DPYD: variants seen among roughly 807,000 people sequenced by gnomAD.
DPYD encodes dihydropyrimidine dehydrogenase [NADP(+)].
A neutral mutation model predicts 116.2 loss-of-function variants in DPYD; 109 were observed. That is an observed-to-expected ratio of 0.94 (90% confidence interval 0.80 to 1.10). The LOEUF (loss-of-function observed/expected upper bound fraction) is 1.10, where lower values mean the gene tolerates loss of function less well. Among genes scored for constraint, DPYD ranks in the 50% least tolerant of loss-of-function variants. The probability of loss-of-function intolerance (pLI) is 0.00; values close to 1 mark genes in which losing one functional copy is unlikely to be tolerated. For synonymous variants in DPYD, 440 were observed against 432.0 expected (o/e 1.02, Z -0.23); for missense variants, 1,302 against 1,254.5 (o/e 1.04, Z -0.57).
intron 13 of DPYD, among the ~76,000 whole-genome samples, chr1:97,494,753 C>A (rs1213562646): frequency 1.1e-4 from 15 of 136,960 alleles, no homozygotes; most frequent in African/African-American, 4.7e-4. Context: ...AAAAAGAAAA[C>A]ACACACACAC....
At chr1:97,756,576 CT>C (rs1373419491) in intron 3 of DPYD, among the ~76,000 whole-genome samples, 2 of 151,936 alleles carry the variant, frequency 1.3e-5, no homozygotes, top group African/African-American at 2.4e-5. Flanking sequence ...TATGTGCCAC[CT>C]TTTCATTAAG....
At chr1:97,370,296 C>T (rs372763374) in intron 16 of DPYD, among the ~76,000 whole-genome samples, 2 of 152,170 alleles carry the variant, frequency 1.3e-5, no homozygotes, top group South Asian at 2.1e-4. Flanking sequence ...AGCCATCATT[C>T]TCAGCAAACT....
chr1:97,542,208 T>C (rs1650499552), intron 12 of DPYD, among the ~76,000 whole-genome samples: 2 of 152,182 alleles, frequency 1.3e-5, no homozygotes, highest in South Asian at 4.1e-4. Context: ...CTATATAATC[T>C]CTATATTCAG....
At chr1:97,427,299 CT>C (rs1235961900) in intron 14 of DPYD, among the ~76,000 whole-genome samples, 2 of 151,514 alleles carry the variant, frequency 1.3e-5, no homozygotes, top group African/African-American at 2.4e-5. Flanking sequence ...ATGACCTTCA[CT>C]TTTTTTTTTC....
chr1:97,640,984 C>T (rs1657858518), intron 8 of DPYD, among the ~76,000 whole-genome samples: 1 of 152,168 alleles, frequency 6.6e-6, no homozygotes, highest in Admixed American at 6.5e-5. Flanking sequence ...TAAAATTCTT[C>T]TAGCATAAAC....
chr1:97,266,529 CT>C (rs1664236668), intron 18 of DPYD, among the ~76,000 whole-genome samples: 2 of 151,992 alleles, frequency 1.3e-5, no homozygotes, highest in South Asian at 4.2e-4. Flanking sequence ...ATATTCATTT[CT>C]TTTTTTATTA....
chr1:97,173,361 T>C (rs578136175), intron 20 of DPYD, among the ~76,000 whole-genome samples: 3 of 149,032 alleles, frequency 2.0e-5, no homozygotes, highest in Non-Finnish European at 3.0e-5. Context: ...TATATGTACA[T>C]ATATACATAT....
chr1:97,564,631 C>G (rs1652389111), intron 11 of DPYD, among the ~76,000 whole-genome samples: 1 of 152,144 alleles, frequency 6.6e-6, no homozygotes, highest in Admixed American at 6.6e-5. Context: ...ACTCAGATCT[C>G]TTCTATCTGT....
At chr1:97,157,240 C>A (rs1284501386) in intron 20 of DPYD, among the ~76,000 whole-genome samples, 2 of 151,822 alleles carry the variant, frequency 1.3e-5, no homozygotes, top group Non-Finnish European at 2.9e-5. Context: ...ACATTGTGCA[C>A]ATGTACCCTA....
At position 97,298,625 on chromosome 1, in the gene DPYD, G is replaced by A. The variant is rs990959438; in HGVS notation, c.2299+6634C>T. Among the ~76,000 whole-genome samples the A allele has an allele frequency of 2.0e-5, 3 of 152,198 alleles. No individual in the cohort carries two copies. The East Asian group carries it at 5.8e-4, about 29-fold the overall frequency. ...AACTACGGAGAGGCAATGACATTTT[G>A]ATAGTCCTCTAGATTTAAGGAATAA... is the stretch of plus-strand genomic sequence containing the variant. On this transcript the variant is annotated intron_variant, in intron 18 of 22. Transcript: ENST00000370192.
chr1:97,459,594 A>G (rs1344775043), intron 13 of DPYD, among the ~76,000 whole-genome samples: 1 of 152,190 alleles, frequency 6.6e-6, no homozygotes, highest in African/African-American at 2.4e-5. Context: ...GTACCAATGA[A>G]AGCCAGAAGA....
intron 1 of DPYD, among the ~76,000 whole-genome samples, chr1:97,906,512 C>A (rs777697079): frequency 6.6e-6 from 1 of 151,990 alleles, no homozygotes; most frequent in Non-Finnish European, 1.5e-5. Context: ...CAAGATACAG[C>A]AAGTACTTAA....
intron 20 of DPYD, among the ~76,000 whole-genome samples, chr1:97,164,962 C>T (rs1447352627): frequency 2.0e-5 from 3 of 151,866 alleles, no homozygotes; most frequent in African/African-American, 7.3e-5. Context: ...CCTGCCTAGG[C>T]CTCCCAAAGT....
chr1:97,257,452 T>TATATATAGAG (rs375490078), intron 18 of DPYD, among the ~76,000 whole-genome samples: 1,317 of 126,406 alleles, frequency 0.01, 34 homozygotes, highest in African/African-American at 0.04. Flanking sequence ...TATATATATA[T>TATATATAGAG]AGAGAGAGAG....
intron 8 of DPYD, among the ~76,000 whole-genome samples, chr1:97,659,006 A>G (rs2100862113): frequency 6.6e-6 from 1 of 152,238 alleles, no homozygotes; most frequent in African/African-American, 2.4e-5. Flanking sequence ...CTCAGTAAAG[A>G]CACCACTTCT....
At chr1:97,153,623 T>C (rs1655193092) in intron 20 of DPYD, among the ~76,000 whole-genome samples, 1 of 151,424 alleles carries the variant, frequency 6.6e-6, no homozygotes, top group South Asian at 2.1e-4. Context: ...CAAAAGCAAA[T>C]GCAACAAAAA....
At chr1:97,167,035 T>A (rs1054742067) in intron 20 of DPYD, among the ~76,000 whole-genome samples, 2 of 152,188 alleles carry the variant, frequency 1.3e-5, no homozygotes, top group Non-Finnish European at 2.9e-5. Flanking sequence ...GAATTTTTTT[T>A]ATAGCCAAAG....
At chr1:97,479,036 A>C (rs1477793713) in intron 13 of DPYD, among the ~76,000 whole-genome samples, 2 of 152,160 alleles carry the variant, frequency 1.3e-5, no homozygotes, top group Non-Finnish European at 2.9e-5. Flanking sequence ...TTGACTTAAG[A>C]GAGTGTTGTG....
intron 2 of DPYD, among the ~76,000 whole-genome samples, chr1:97,845,086 C>T (rs914930672): frequency 1.3e-5 from 2 of 152,162 alleles, no homozygotes; most frequent in Non-Finnish European, 2.9e-5. Context: ...GCACAAATAG[C>T]CTGGGCACTG....
Sources: allele counts gnomAD v4.1 joint callset (sites outside exome capture counted in the v4.1 genomes callset), GRCh38; gene constraint gnomAD v4.1.1; transcripts MANE v1.5; gene names NCBI Gene and HGNC (gene_info 2026-07-23, HGNC 2026-07-21).